The following FAT1 variants were observed in gnomAD, a reference collection of about 807,000 sequenced individuals.
FAT1 encodes the protein protocadherin Fat 1.
In FAT1, 171 loss-of-function variants were observed where a neutral mutation model predicts 329.8. That is an observed-to-expected ratio of 0.52 (90% CI 0.46 to 0.59). The LOEUF is 0.59. Among genes scored for constraint, FAT1 ranks in the 20% least tolerant of loss-of-function variants. FAT1 has a pLI of 0.00. For missense variants in FAT1, 5,672 were observed against 5,774.4 expected (o/e 0.98, Z 0.57); for synonymous variants, 2,233 against 2,228.6 (o/e 1.00, Z -0.06).
intron 2 of FAT1, among the ~76,000 whole-genome samples, chr4:186,696,336 C>T (rs1049896419): frequency 2.0e-5 from 3 of 152,166 alleles, no homozygotes; most frequent in Non-Finnish European, 4.4e-5. Context: ...AACTGATTTC[C>T]ATTTTGTTGC....
intron 7 of FAT1, among the ~76,000 whole-genome samples, chr4:186,631,530 T>C (rs78368352): frequency 0.043 from 6,429 of 151,164 alleles, 299 homozygotes; most frequent in East Asian, 0.18. Context: ...CTTCAATCAA[T>C]CCCCGCGGTA....
intron 26 of FAT1, among the ~76,000 whole-genome samples, chr4:186,589,549 CCTT>C (rs1379786656): frequency 2.0e-5 from 3 of 152,164 alleles, no homozygotes; most frequent in African/African-American, 7.2e-5. Flanking sequence ...TTCTAACCAT[CCTT>C]CTGGCTTTTC....
At chr4:186,640,963 G>A (rs1259886438) in intron 3 of FAT1, among the ~76,000 whole-genome samples, 1 of 152,072 alleles carries the variant, frequency 6.6e-6, no homozygotes, top group Non-Finnish European at 1.5e-5. Context: ...CCAGTGCTGC[G>A]GCTTTTTTCT....
At chr4:186,603,107 C>A (rs1738899197) in intron 19 of FAT1, 69 bp downstream of exon 19, 1 of 1,605,814 alleles carries the variant, frequency 6.2e-7, no homozygotes, top group East Asian at 2.2e-5. Context: ...TCATGTATAG[C>A]CATCAAAGGC....
intron 26 of FAT1, chr4:186,590,390 A>G (rs1467407178): frequency 7.8e-7 from 1 of 1,289,658 alleles, no homozygotes; most frequent in Non-Finnish European, 1.0e-6. Flanking sequence ...TGAGGTCAGG[A>G]GCAGCCAAAG....
Position 186,711,129 on chromosome 4 carries a change from G to C in FAT1, c.-18-1284C>G, listed in dbSNP as rs556799702. Among the ~76,000 whole-genome samples, 17 of 152,338 alleles carry C rather than the reference G, an allele frequency of 1.1e-4. No individual in the cohort carries two copies. The South Asian group carries it at 3.3e-3, about 30-fold the overall frequency. On this transcript the variant is annotated intron_variant, in intron 1 of 26. Coordinates refer to ENST00000441802, the MANE Select transcript of FAT1 (RefSeq NM_005245.4). ...GAAGAGCAAACTGGAGGGTGGGTTT[G>C]ACAGCCCAGTTGAAATTGGTACGAC...
chr4:186,693,350 T>C (rs1743880862), intron 2 of FAT1, among the ~76,000 whole-genome samples: 1 of 152,178 alleles, frequency 6.6e-6, no homozygotes, highest in Admixed American at 6.5e-5. Context: ...AAGGTTAGCC[T>C]ACCTCCCTAC....
intron 20 of FAT1, among the ~76,000 whole-genome samples, chr4:186,602,144 T>C (rs190070971): frequency 1.3e-5 from 2 of 152,314 alleles, no homozygotes; most frequent in East Asian, 1.9e-4. Context: ...TAATTAGATA[T>C]CACTTCACAC....
chr4:186,679,373 C>T (rs1056767679), intron 2 of FAT1, among the ~76,000 whole-genome samples: 3 of 143,516 alleles, frequency 2.1e-5, no homozygotes, highest in Non-Finnish European at 4.5e-5. Flanking sequence ...GCTGAGATCG[C>T]ACCACTGCAC....
intron 3 of FAT1, among the ~76,000 whole-genome samples, chr4:186,650,278 C>T (rs930992157): frequency 9.9e-5 from 15 of 152,150 alleles, no homozygotes; most frequent in African/African-American, 2.7e-4. Flanking sequence ...AAATATGACA[C>T]AAATTATACA....
chr4:186,714,340 T>TAG (rs1484483871), intron 1 of FAT1, among the ~76,000 whole-genome samples: 1 of 151,426 alleles, frequency 6.6e-6, no homozygotes, highest in Non-Finnish European at 1.5e-5. Flanking sequence ...CTGCTCAGCG[T>TAG]AGAGAACAAG....
At chr4:186,631,808 C>T (rs1740610360) in intron 7 of FAT1, among the ~76,000 whole-genome samples, 1 of 152,154 alleles carries the variant, frequency 6.6e-6, no homozygotes, top group Non-Finnish European at 1.5e-5. Context: ...CTTTTCAATC[C>T]ATCCCCGCTG....
chr4:186,681,776 A>G (rs1743218459), intron 2 of FAT1, among the ~76,000 whole-genome samples: 1 of 152,262 alleles, frequency 6.6e-6, no homozygotes. Context: ...ATGAAGAGCT[A>G]CTTTTATAAA....
At chr4:186,647,569 A>T (rs962829037) in intron 3 of FAT1, among the ~76,000 whole-genome samples, 7 of 152,298 alleles carry the variant, frequency 4.6e-5, no homozygotes, top group Middle Eastern at 3.4e-3. Context: ...CTCTCCACCA[A>T]GCCCAGCTCC....
At chr4:186,644,434 C>A (rs1410196189) in intron 3 of FAT1, among the ~76,000 whole-genome samples, 1 of 152,122 alleles carries the variant, frequency 6.6e-6, no homozygotes, top group Non-Finnish European at 1.5e-5. Flanking sequence ...TTTCCTTGGT[C>A]CAGAAAAACA....
rs991454276 is a variant in FAT1, at chr4:186,596,435, A to G, written c.13000+105T>C. The G allele has an allele frequency of 3.9e-6, 5 of 1,273,846 alleles. No homozygotes were observed. The highest frequency in any genetic ancestry group is 4.3e-6 in the Non-Finnish European group (4 of 921,370). 78.9% of individuals were successfully genotyped at this position (1,273,846 alleles called of 1,614,324 possible). ...TCATCATACGGATTTCAGTCTGAGC[A>G]TACTTGTCTCTAATGAAGAGTACAC... On this transcript the variant is annotated intron_variant, in intron 25 of 26. Transcript: ENST00000441802. This position sits in a 1 kb window ranked among gnomAD's most constrained non-coding sequence, Gnocchi z 4.7.
intron 22 of FAT1, among the ~76,000 whole-genome samples, chr4:186,599,056 G>A (rs1430251902): frequency 1.3e-5 from 2 of 152,210 alleles, no homozygotes; most frequent in Non-Finnish European, 2.9e-5. Flanking sequence ...GACCATGGGA[G>A]TGCATGTCAG....
chr4:186,635,943 T>C, intron 6 of FAT1, 82 bp downstream of exon 6: 1 of 1,219,124 alleles, frequency 8.2e-7, no homozygotes, highest in East Asian at 2.4e-5. Flanking sequence ...AATCCTGACT[T>C]GTGCCCAAAA....
At chr4:186,691,414 T>G (rs184493569) in intron 2 of FAT1, among the ~76,000 whole-genome samples, 1 of 152,360 alleles carries the variant, frequency 6.6e-6, no homozygotes, top group Admixed American at 6.5e-5. Flanking sequence ...AGTCACCATC[T>G]CTACATTAGG....
Sources: allele counts gnomAD v4.1 joint callset (sites outside exome capture counted in the v4.1 genomes callset), GRCh38; gene constraint gnomAD v4.1.1; non-coding constraint Gnocchi (gnomAD v3.1); transcripts MANE v1.5; gene names NCBI Gene and HGNC (gene_info 2026-07-23, HGNC 2026-07-21).